The following GPC3 variants were observed in gnomAD, a reference collection of about 807,000 sequenced individuals.
The protein encoded by GPC3 is glypican 3.
In GPC3, 3 loss-of-function variants were observed where a neutral mutation model predicts 34.4. The ratio of observed to expected loss-of-function variants is 0.09; its 90% CI spans 0.04 to 0.23. GPC3 has a LOEUF of 0.23. Among genes scored for constraint, GPC3 ranks in the 10% least tolerant of loss-of-function variants. The pLI is 1.00. For synonymous variants in GPC3, 177 were observed against 174.0 expected (o/e 1.02, Z -0.13); for missense variants, 351 against 445.6 (o/e 0.79, Z 1.91).
intron 2 of GPC3, among the ~76,000 whole-genome samples, chrX:133,786,671 G>T (rs1269237988): frequency 8.9e-6 from 1 of 112,185 alleles, no homozygotes; most frequent in East Asian, 2.8e-4. Context: ...GGCTTCTTCA[G>T]TTCCTGTGTG....
intron 2 of GPC3, among the ~76,000 whole-genome samples, chrX:133,899,606 T>C (rs948178183): frequency 1.8e-5 from 2 of 111,064 alleles, no homozygotes; most frequent in African/African-American, 3.3e-5. Flanking sequence ...ATCATTATTG[T>C]ATGTAAACTC....
intron 2 of GPC3, among the ~76,000 whole-genome samples, chrX:133,856,704 A>G (rs753814593): frequency 9.8e-5 from 11 of 112,207 alleles, no homozygotes; most frequent in African/African-American, 3.2e-4. Context: ...TATTTTTACA[A>G]TTTTGTAGAG....
At chrX:133,787,910 CA>C (rs2072118578) in intron 2 of GPC3, among the ~76,000 whole-genome samples, 1 of 108,498 alleles carries the variant, frequency 9.2e-6, no homozygotes, top group African/African-American at 3.4e-5. Context: ...AGATGGGACA[CA>C]ACCACTCTCA....
chrX:133,797,224 G>A (rs2075586483), intron 2 of GPC3, among the ~76,000 whole-genome samples: 1 of 110,608 alleles, frequency 9.0e-6, no homozygotes, highest in Non-Finnish European at 1.9e-5. Context: ...CAATCAGATT[G>A]TACTGACTGG....
At chrX:133,750,177 C>A (rs2071651584) in intron 3 of GPC3, among the ~76,000 whole-genome samples, 1 of 112,034 alleles carries the variant, frequency 8.9e-6, no homozygotes, top group South Asian at 3.7e-4. Flanking sequence ...TCTTGACAGC[C>A]AAAGCCTTTC....
At chrX:133,908,684 G>C (rs1428670616) in intron 2 of GPC3, among the ~76,000 whole-genome samples, 3 of 110,491 alleles carry the variant, frequency 2.7e-5, no homozygotes, top group African/African-American at 9.9e-5. Context: ...TCCAGATGTG[G>C]TCTGAGCAGC....
intron 6 of GPC3, among the ~76,000 whole-genome samples, chrX:133,638,938 G>A: frequency 9.0e-6 from 1 of 111,552 alleles, no homozygotes; most frequent in South Asian, 3.8e-4. Flanking sequence ...CCCGTGGGCC[G>A]TGGGTTGGAC....
At chrX:133,851,363 G>C (rs1861695078) in intron 2 of GPC3, among the ~76,000 whole-genome samples, 1 of 111,336 alleles carries the variant, frequency 9.0e-6, no homozygotes, top group Non-Finnish European at 1.9e-5. Context: ...CAAAATCAGT[G>C]GATTACTTAG....
At chrX:133,674,705 C>T (rs1291274777) in intron 5 of GPC3, among the ~76,000 whole-genome samples, 1 of 111,581 alleles carries the variant, frequency 9.0e-6, no homozygotes, top group African/African-American at 3.3e-5. Context: ...GAAGCCTGTT[C>T]CCCTCCCTCC....
At chrX:133,716,632 A>G (rs908619774) in intron 3 of GPC3, among the ~76,000 whole-genome samples, 3 of 111,969 alleles carry the variant, frequency 2.7e-5, no homozygotes, top group Non-Finnish European at 5.6e-5. Flanking sequence ...CTATCTGAGG[A>G]AGATGAAGAA....
At chrX:133,930,039 G>A (rs2076291914) in intron 2 of GPC3, among the ~76,000 whole-genome samples, 1 of 112,024 alleles carries the variant, frequency 8.9e-6, no homozygotes, top group South Asian at 3.8e-4. Context: ...ATGAAAAAAA[G>A]GTTCATGTAC....
chrX:133,889,630 A>ATT (rs1457764885), intron 2 of GPC3, among the ~76,000 whole-genome samples: 2 of 103,641 alleles, frequency 1.9e-5, no homozygotes, highest in Admixed American at 2.1e-4. Flanking sequence ...TATTTTTTCT[A>ATT]TTTTTTTTTT....
At chrX:133,705,395 T>A (rs1292005308) in intron 3 of GPC3, among the ~76,000 whole-genome samples, 1 of 111,096 alleles carries the variant, frequency 9.0e-6, no homozygotes, top group African/African-American at 3.3e-5. Flanking sequence ...TCTCAGCATG[T>A]TGCCCAGACT....
chrX:133,827,122 G>A (rs1018064648), intron 2 of GPC3, among the ~76,000 whole-genome samples: 2 of 111,365 alleles, frequency 1.8e-5, no homozygotes, highest in Non-Finnish European at 3.8e-5. Flanking sequence ...ATTTCACCTA[G>A]GTAAAAAGAT....
chrX:133,822,996 G>T (rs774377857), intron 2 of GPC3, among the ~76,000 whole-genome samples: 42 of 107,729 alleles, frequency 3.9e-4, no homozygotes, highest in African/African-American at 1.4e-3. Flanking sequence ...AGGTGTGGTG[G>T]CGGGTGCCTG....
intron 3 of GPC3, among the ~76,000 whole-genome samples, chrX:133,734,487 G>A (rs2071490572): frequency 1.8e-5 from 2 of 109,876 alleles, no homozygotes; most frequent in African/African-American, 3.3e-5. Flanking sequence ...AAAAAGACAG[G>A]GATATCCATT....
chrX:133,957,809 C>T (rs1283316947), intron 1 of GPC3, among the ~76,000 whole-genome samples: 1 of 110,765 alleles, frequency 9.0e-6, no homozygotes, highest in African/African-American at 3.3e-5. Flanking sequence ...ATCGTGAAGC[C>T]CAGCTATCAA....
chrX:133,818,032 T>A (rs748154025), intron 2 of GPC3, among the ~76,000 whole-genome samples: 17 of 111,636 alleles, frequency 1.5e-4, no homozygotes, highest in African/African-American at 5.5e-4. Flanking sequence ...TTCAATCATG[T>A]CAAGTTTGGA....
chrX:133,807,375 A>G (rs2075641794), intron 2 of GPC3, among the ~76,000 whole-genome samples: 1 of 112,044 alleles, frequency 8.9e-6, no homozygotes, highest in African/African-American at 3.2e-5. Context: ...TGTTTCTTGT[A>G]TAACCTGCAG....
Sources: gnomAD v4.1 joint callset for allele counts (sites outside exome capture counted in the v4.1 genomes callset) on GRCh38, gnomAD v4.1.1 for gene constraint, MANE v1.5 for transcripts, NCBI Gene and HGNC (gene_info 2026-07-23, HGNC 2026-07-21) for gene names.